GLYR1: variants seen among roughly 807,000 people sequenced by gnomAD.
The protein encoded by GLYR1 is glyoxylate reductase 1 homolog, also known as cytokine-like nuclear factor N-PAC.
GLYR1 carries 21 observed loss-of-function variants against 72.7 expected under a neutral mutation model. The observed-to-expected ratio is 0.29, with a 90% CI of 0.20 to 0.42. The LOEUF (loss-of-function observed/expected upper bound fraction) is 0.42. Among genes scored for constraint, GLYR1 ranks in the 10% least tolerant of loss-of-function variants. The pLI is 1.00. For missense variants in GLYR1, 594 were observed against 712.1 expected (o/e 0.83, Z 1.89); for synonymous variants, 392 against 270.2 (o/e 1.45, Z -4.42).
intron 15 of GLYR1, among the ~76,000 whole-genome samples, chr16:4,805,588 G>A (rs956743814): frequency 1.4e-4 from 22 of 152,342 alleles, no homozygotes; most frequent in African/African-American, 5.3e-4. Flanking sequence ...CGGGCACTGC[G>A]GCTCATGCCT....
intron 5 of GLYR1, among the ~76,000 whole-genome samples, chr16:4,825,307 C>T (rs989750202): frequency 1.3e-5 from 2 of 152,172 alleles, no homozygotes; most frequent in Admixed American, 1.3e-4. Flanking sequence ...ATTTCTTCCC[C>T]CGTCACTGCT....
At position 4,844,271 on chromosome 16, in the gene GLYR1, G is replaced by A. The variant is rs115775534; in HGVS notation, c.155+803C>T. Among the ~76,000 whole-genome samples, 829 of 152,302 alleles carry A rather than the reference G, an allele frequency of 5.4e-3. 8 individuals are homozygous for A. Among genetic ancestry groups the A allele is most frequent in the African/African-American group, 0.019 (791 of 41,562 alleles). On this transcript the variant is annotated intron_variant, in intron 3 of 15. Coordinates refer to ENST00000321919, the MANE Select transcript of GLYR1 (RefSeq NM_032569.4). ...AACATGTTATATGGTCAGAGTCTCA[G>A]ATTAATGGTCCTGGTTTCCCCAACT...
At position 4,821,586 on chromosome 16, in the gene GLYR1, A is replaced by C; in HGVS notation, c.693T>G (p.Cys231Trp). 6.2e-7 allele frequency: 1 copy of C among 1,614,030 alleles called. No homozygotes were observed. Among genetic ancestry groups the C allele is most frequent in the Non-Finnish European group, 8.5e-7 (1 of 1,180,000 alleles). Residue 231 changes from cysteine to tryptophan, a missense_variant, in exon 8 of 16, where the codon TGT becomes TGG. This residue lies in a region of GLYR1 where 252 missense variants were observed against 211.3 expected (regional missense o/e 1.19). Transcript: ENST00000321919. ...LLSQTEKPAV[C>W]YQAITKKLKI... ...TCAACTTCTTCGTGATTGCCTGGTAACAGACAGCTGGCTAATGAAGGAGGA... is the reference window on the plus strand; with the variant it reads ...TCAACTTCTTCGTGATTGCCTGGTACCAGACAGCTGGCTAATGAAGGAGGA...
At chr16:4,809,340 C>T (rs1271417617) in intron 15 of GLYR1, among the ~76,000 whole-genome samples, 1 of 151,560 alleles carries the variant, frequency 6.6e-6, no homozygotes, top group African/African-American at 2.4e-5. Context: ...AAGGTGCCTG[C>T]CACCATGCCC....
Position 4,823,641 on chromosome 16 carries a change from C to A in GLYR1, c.624+180G>T, listed in dbSNP as rs181701620. Among the ~76,000 whole-genome samples the A allele has an allele frequency of 2.7e-3, 409 of 152,150 alleles. 2 individuals carry two copies. Among genetic ancestry groups the A allele is most frequent in the Non-Finnish European group, 4.4e-3 (298 of 68,022 alleles). On this transcript the variant is annotated intron_variant, in intron 6 of 15. Transcript: ENST00000321919. ...AAGGACTGAAATCCGTCACCTCGAG[C>A]CTCACAGTGCTCACCCTAGAGGGAA... is the stretch of plus-strand genomic sequence containing the variant.
intron 15 of GLYR1, among the ~76,000 whole-genome samples, chr16:4,809,714 A>G (rs1326764930): frequency 1.3e-5 from 2 of 151,958 alleles, no homozygotes; most frequent in Admixed American, 1.3e-4. Flanking sequence ...ACCTGAGGTC[A>G]GCAGTTCAAG....
intron 14 of GLYR1, 71 bp from the exon 15 acceptor site, chr16:4,811,365 G>C (rs2083314156): frequency 1.3e-6 from 2 of 1,589,164 alleles, no homozygotes; most frequent in Non-Finnish European, 8.6e-7. Context: ...GGTCCACCAG[G>C]TGTCAGTACC....
intron 15 of GLYR1, among the ~76,000 whole-genome samples, chr16:4,805,559 T>C (rs572351242): frequency 6.6e-6 from 1 of 152,272 alleles, no homozygotes; most frequent in Non-Finnish European, 1.5e-5. Context: ...CTATGGGATA[T>C]AAAACATTCA....
intron 9 of GLYR1, 190 bp from the exon 10 acceptor site, chr16:4,817,887 G>A: frequency 1.8e-6 from 1 of 568,514 alleles, no homozygotes; most frequent in Non-Finnish European, 3.1e-6. Flanking sequence ...TTATGCCATG[G>A]TCTAAAGCTG....
chr16:4,833,522 TA>T (rs1384124633), intron 3 of GLYR1, among the ~76,000 whole-genome samples: 1 of 151,816 alleles, frequency 6.6e-6, no homozygotes, highest in Non-Finnish European at 1.5e-5. Flanking sequence ...TATTTGTTCA[TA>T]AATGATGGTA....
chr16:4,846,156 T>C lies in GLYR1; in HGVS notation c.75+18A>G. 4 of 1,613,610 alleles carry C rather than the reference T, an allele frequency of 2.5e-6. No homozygotes were observed. The highest frequency in any genetic ancestry group is 1.1e-5 in the South Asian group (1 of 91,086). On this transcript the variant is annotated intron_variant, in intron 2 of 15. Coordinates refer to ENST00000321919, the MANE Select transcript of GLYR1 (RefSeq NM_032569.4). ...AAACCCAACTTCAGATCTCTTCCTT[T>C]AGTAGCAAGACACTCACCTTTCCTG...
At chr16:4,832,952 G>T in intron 3 of GLYR1, 40 bp from the exon 4 acceptor site, 1 of 1,563,048 alleles carries the variant, frequency 6.4e-7, no homozygotes, top group African/African-American at 1.4e-5. Flanking sequence ...GAACCATATA[G>T]CATATGCCCT....
At chr16:4,832,626 A>G (rs1318693799) in intron 4 of GLYR1, 148 bp downstream of exon 4, 5 of 989,342 alleles carry the variant, frequency 5.1e-6, no homozygotes, top group Admixed American at 2.7e-5. Flanking sequence ...CTGATAAGCA[A>G]AACGCTGACA....
At chr16:4,838,226 T>G (rs1025622247) in intron 3 of GLYR1, among the ~76,000 whole-genome samples, 1 of 152,202 alleles carries the variant, frequency 6.6e-6, no homozygotes, top group Non-Finnish European at 1.5e-5. Context: ...GCTGCTATGC[T>G]TCTAATTATT....
At chr16:4,818,364 G>C (rs1042974852) in intron 9 of GLYR1, among the ~76,000 whole-genome samples, 1 of 152,178 alleles carries the variant, frequency 6.6e-6, no homozygotes, top group South Asian at 2.1e-4. Flanking sequence ...GTGCAATCAT[G>C]GCTCACTGCA....
At chr16:4,837,516 G>C (rs915265628) in intron 3 of GLYR1, among the ~76,000 whole-genome samples, 1 of 152,020 alleles carries the variant, frequency 6.6e-6, no homozygotes, top group African/African-American at 2.4e-5. Flanking sequence ...TGTCACATGT[G>C]TTTCAGCCTT....
intron 3 of GLYR1, chr16:4,840,325 C>T (rs1436562242): frequency 1.3e-5 from 2 of 152,208 alleles, no homozygotes; most frequent in Non-Finnish European, 2.9e-5. Flanking sequence ...TGACTCAGTT[C>T]CCTTTTCTGG....
Position 4,803,360 on chromosome 16 carries a change from T to C in GLYR1, c.*1876A>G, listed in dbSNP as rs1364534171. ...AAAAATAAAAATTCACAACCTTAAT[T>C]ACCTAGATTTGTCATTTAAAGGTTT... On this transcript the variant is annotated 3_prime_UTR_variant, in exon 16 of 16. Transcript: ENST00000321919. The C allele has an allele frequency of 6.6e-6, 1 of 152,666 alleles. No homozygotes were observed. Among genetic ancestry groups the C allele is most frequent in the East Asian group, 1.9e-4 (1 of 5,204 alleles). 9.5% of individuals were successfully genotyped at this position (152,666 alleles called of 1,614,324 possible).
chr16:4,842,470 C>T (rs559886277), intron 3 of GLYR1, among the ~76,000 whole-genome samples: 60 of 151,810 alleles, frequency 4.0e-4, no homozygotes, highest in Non-Finnish European at 7.7e-4. Context: ...CTGCCTTAGC[C>T]TTCTGCATAC....
Sources: gnomAD v4.1 joint callset for allele counts (sites outside exome capture counted in the v4.1 genomes callset) on GRCh38, gnomAD v4.1.1 for gene constraint, gnomAD v4.1.1 regional missense constraint, MANE v1.5 for transcripts, NCBI Gene and HGNC (gene_info 2026-07-23, HGNC 2026-07-21) for gene names.